PARD3: variants seen among roughly 807,000 people sequenced by gnomAD.
The protein encoded by PARD3 is partitioning defective 3 homolog.
Under a neutral mutation model 155.4 loss-of-function variants are expected in PARD3, and 75 were observed. The ratio of observed to expected loss-of-function variants is 0.48; its 90% CI spans 0.40 to 0.58. The LOEUF is 0.58. PARD3 is among the 20% of genes least tolerant of loss of function. PARD3 has a pLI of 0.00. For synonymous variants in PARD3, 576 were observed against 610.5 expected, an observed-to-expected ratio of 0.94 and a Z score of 0.83; for missense variants, 1,642 against 1,721.7, an observed-to-expected ratio of 0.95 and a Z score of 0.82.
chr10:34,604,423 C>A (rs1352657668), intron 2 of PARD3, among the ~76,000 whole-genome samples: 1 of 151,996 alleles, frequency 6.6e-6, no homozygotes, highest in Non-Finnish European at 1.5e-5. Context: ...ACATCTTTCT[C>A]CCATGCTGGA....
chr10:34,426,466 A>G (rs1433260788), intron 5 of PARD3, among the ~76,000 whole-genome samples: 1 of 152,196 alleles, frequency 6.6e-6, no homozygotes, highest in Non-Finnish European at 1.5e-5. Flanking sequence ...TAGAAAAGAG[A>G]TAAGGAAAAG....
intron 20 of PARD3, among the ~76,000 whole-genome samples, chr10:34,293,221 A>G (rs1201763048): frequency 3.3e-5 from 5 of 152,234 alleles, no homozygotes; most frequent in African/African-American, 1.2e-4. Flanking sequence ...GATGAGTGAA[A>G]GCATATCTTA....
chr10:34,470,328 G>T, intron 3 of PARD3, 65 bp from the exon 4 acceptor site: 1 of 1,177,660 alleles, frequency 8.5e-7, no homozygotes, highest in African/African-American at 1.6e-5. Flanking sequence ...CATGTTAGGA[G>T]AACGTAGGGA....
intron 1 of PARD3, among the ~76,000 whole-genome samples, chr10:34,756,844 A>C (rs1836808604): frequency 6.6e-6 from 1 of 152,260 alleles, no homozygotes; most frequent in South Asian, 2.1e-4. Flanking sequence ...GAACAGGCTG[A>C]AAAGACAAAA....
At chr10:34,199,940 C>T (rs920973538) in intron 22 of PARD3, among the ~76,000 whole-genome samples, 27 of 152,022 alleles carry the variant, frequency 1.8e-4, no homozygotes, top group Admixed American at 9.2e-4. Context: ...TTAGTGATTC[C>T]AGGATATTGT....
chr10:34,227,881 T>TATATATATATATATATATACATAC (rs1199483392), intron 22 of PARD3, among the ~76,000 whole-genome samples: 2 of 133,738 alleles, frequency 1.5e-5, no homozygotes, highest in African/African-American at 5.8e-5. Context: ...TATATATATA[T>TATATATATATATATATATACATAC]ATACTGGGAA....
chr10:34,249,294 G>A lies in PARD3; in HGVS notation c.3419+20363C>T, dbSNP rs577725908. On this transcript the variant is annotated intron_variant, in intron 22 of 24. Coordinates refer to ENST00000374788, the MANE Select transcript of PARD3 (RefSeq NM_001184785.2). ...CCCAAAGTGCTGGGATTACAGGCAT[G>A]AGCCAGCATGCTCAGCCTGCATTTA... 3.9e-5 allele frequency among the ~76,000 whole-genome samples: 6 copies of A among 152,248 alleles called. No homozygotes were observed. In the South Asian group the frequency reaches 1.0e-3, roughly 26 times the overall value.
At chr10:34,281,082 G>C (rs528672317) in intron 21 of PARD3, among the ~76,000 whole-genome samples, 5 of 151,838 alleles carry the variant, frequency 3.3e-5, no homozygotes, top group Admixed American at 3.3e-4. Flanking sequence ...ATGCTTGGTC[G>C]ACAGAGAAAT....
intron 5 of PARD3, among the ~76,000 whole-genome samples, chr10:34,433,474 C>G (rs1433811865): frequency 1.3e-5 from 2 of 152,084 alleles, no homozygotes; most frequent in Admixed American, 1.3e-4. Context: ...ACATTAATAC[C>G]AAAGTCTCAG....
chr10:34,477,351 G>A (rs536030747), intron 3 of PARD3, among the ~76,000 whole-genome samples: 24 of 152,280 alleles, frequency 1.6e-4, no homozygotes, highest in African/African-American at 5.5e-4. Context: ...TCAAAGACAA[G>A]GATCTTCAAT....
In PARD3 at chr10:34,709,599, C is replaced by T. The variant is rs758006583; in HGVS notation, c.121-13180G>A. On this transcript the variant is annotated intron_variant, in intron 1 of 24. Coordinates refer to ENST00000374788, the MANE Select transcript of PARD3 (RefSeq NM_001184785.2). ...GGTTAGCAGTAGCAGGAAGCTATGA[C>T]TACCCCTGGGCTGAGGGGATAAGGG... Among the ~76,000 whole-genome samples, 3 of 151,726 alleles carry T rather than the reference C, an allele frequency of 2.0e-5. No individual in the cohort carries two copies. The South Asian group carries it at 6.2e-4, about 32-fold the overall frequency.
At chr10:34,312,592 T>A (rs1373612276) in intron 20 of PARD3, among the ~76,000 whole-genome samples, 1 of 152,208 alleles carries the variant, frequency 6.6e-6, no homozygotes, top group Non-Finnish European at 1.5e-5. Flanking sequence ...CCAAACAAGG[T>A]TACAAACTAA....
intron 2 of PARD3, among the ~76,000 whole-genome samples, chr10:34,670,749 T>C (rs1382846246): frequency 6.6e-6 from 1 of 152,210 alleles, no homozygotes; most frequent in East Asian, 1.9e-4. Flanking sequence ...CCAATCCAAT[T>C]CCATCCGTGA....
intron 18 of PARD3, among the ~76,000 whole-genome samples, chr10:34,334,605 T>A (rs1428022743): frequency 1.3e-5 from 2 of 151,760 alleles, no homozygotes; most frequent in African/African-American, 4.8e-5. Flanking sequence ...AGGGAAATAA[T>A]AAAATATCTA....
chr10:34,495,400 A>G (rs113886496), intron 3 of PARD3, among the ~76,000 whole-genome samples: 1,775 of 152,318 alleles, frequency 0.012, 30 homozygotes, highest in African/African-American at 0.038. Flanking sequence ...AGGAGAACCC[A>G]CATTTATTGG....
intron 1 of PARD3, among the ~76,000 whole-genome samples, chr10:34,795,518 G>A (rs1203578447): frequency 6.6e-6 from 1 of 151,958 alleles, no homozygotes; most frequent in Non-Finnish European, 1.5e-5. Context: ...GCTGAGAGGT[G>A]GGAGAATCAC....
intron 10 of PARD3, among the ~76,000 whole-genome samples, chr10:34,376,833 T>C (rs1286606653): frequency 2.0e-5 from 3 of 152,180 alleles, no homozygotes; most frequent in East Asian, 3.8e-4. Flanking sequence ...TACCTTAGCA[T>C]TAATATTTGA....
chr10:34,475,530 T>C (rs1259564399), intron 3 of PARD3, among the ~76,000 whole-genome samples: 1 of 152,220 alleles, frequency 6.6e-6, no homozygotes, highest in Non-Finnish European at 1.5e-5. Context: ...TGTGAAGTTT[T>C]CTTTCTTTGT....
chr10:34,727,066 A>G (rs1468499233), intron 1 of PARD3, among the ~76,000 whole-genome samples: 2 of 152,208 alleles, frequency 1.3e-5, no homozygotes, highest in African/African-American at 4.8e-5. Context: ...TGCTCTTACC[A>G]TTACACTATC....
Sources: gnomAD v4.1 joint callset for allele counts (sites outside exome capture counted in the v4.1 genomes callset) on GRCh38, gnomAD v4.1.1 for gene constraint, MANE v1.5 for transcripts, NCBI Gene and HGNC (gene_info 2026-07-23, HGNC 2026-07-21) for gene names.